Variants in TXNDC9 observed in about 807,000 individuals in gnomAD.
TXNDC9 encodes thioredoxin domain-containing protein 9.
In TXNDC9, 7 loss-of-function variants were observed where a neutral mutation model predicts 23.0. The observed-to-expected ratio is 0.30, with a 90% CI of 0.17 to 0.57. The LOEUF (loss-of-function observed/expected upper bound fraction) is 0.57. TXNDC9 is among the 20% of genes least tolerant of loss of function. The pLI is 0.90. For missense variants in TXNDC9, 198 were observed against 252.6 expected (o/e 0.78, Z 1.47); for synonymous variants, 72 against 90.6 (o/e 0.79, Z 1.17).
At chr2:99,308,977 C>G in the TXNDC9 span, among the ~76,000 whole-genome samples, 1 of 152,128 alleles carries the variant, frequency 6.6e-6, no homozygotes, top group Middle Eastern at 3.4e-3. Flanking sequence ...GCTGGGATTA[C>G]AGGCGTAAGC....
the TXNDC9 span, chr2:99,306,787 T>C: frequency 2.2e-6 from 1 of 455,676 alleles, no homozygotes; most frequent in Non-Finnish European, 4.4e-6. Flanking sequence ...GGCCACCACC[T>C]GTGTAGTAAA....
intron 2 of TXNDC9, among the ~76,000 whole-genome samples, chr2:99,330,189 C>G (rs747072671): frequency 2.8e-4 from 39 of 140,306 alleles, no homozygotes; most frequent in Non-Finnish European, 4.5e-4. Context: ...ACTTGGGAGG[C>G]TGAGGCAGAA....
intron 2 of TXNDC9, among the ~76,000 whole-genome samples, chr2:99,328,486 G>A (rs759552380): frequency 2.0e-5 from 3 of 152,050 alleles, no homozygotes; most frequent in African/African-American, 7.2e-5. Flanking sequence ...GACAGTGAAC[G>A]TCTCCACAGC....
At chr2:99,308,089 G>A in the TXNDC9 span, among the ~76,000 whole-genome samples, 2 of 152,196 alleles carry the variant, frequency 1.3e-5, no homozygotes, top group African/African-American at 4.8e-5. Flanking sequence ...TGCTCTTTGT[G>A]CAGAAGGAAA....
rs1559237434 is a variant in TXNDC9, at chr2:99,333,233, A to T, written c.-23T>A. On this transcript the variant is annotated 5_prime_UTR_variant, in exon 2 of 5. Transcript: ENST00000264255. ...CATTCTTCCAAATGGTACAGAGTTC[A>T]GCCTGGGTGCTGGGGAGAAGATTTA... is the stretch of plus-strand genomic sequence containing the variant. The T allele has an allele frequency of 6.2e-7, 1 of 1,600,860 alleles. No homozygotes were observed.
At chr2:99,315,112 G>A (rs976505590), downstream of TXNDC9, among the ~76,000 whole-genome samples, 4 of 134,014 alleles carry the variant, frequency 3.0e-5, no homozygotes, top group African/African-American at 1.1e-4. Context: ...ACCCAGGCTG[G>A]AGTGCAGTGG....
At chr2:99,318,583 T>C (rs1409102721), downstream of TXNDC9, among the ~76,000 whole-genome samples, 3 of 152,150 alleles carry the variant, frequency 2.0e-5, no homozygotes, top group South Asian at 2.1e-4. Context: ...ATACTCACAG[T>C]CTACAAGGGG....
Position 99,322,189 on chromosome 2 carries a change from T to G in TXNDC9, c.329A>C (p.His110Pro). Residue 110 changes from histidine (H) to proline (P), a missense_variant, in exon 4 of 5, where the codon CAT becomes CCT. By Grantham distance (77) the His-to-Pro change is moderately conservative (BLOSUM62 -2). Coordinates refer to ENST00000264255, the MANE Select transcript of TXNDC9 (RefSeq NM_005783.4). The part of the protein sequence containing the change: ...STFRCKILDR[H>P]LAILSKKHLE... ...GTGTTTCTTGGACAATATTGCCAGA[T>G]GTCTGTCTAGTATTTTACACCTGTA... 1 of 1,614,120 alleles carries G rather than the reference T, an allele frequency of 6.2e-7. No homozygotes were observed.
chr2:99,316,947 G>A (rs917830350), downstream of TXNDC9, among the ~76,000 whole-genome samples: 7 of 152,034 alleles, frequency 4.6e-5, no homozygotes, highest in African/African-American at 9.7e-5. Context: ...TAGTAGAGAC[G>A]GGGTTTCACG....
chr2:99,306,768 C>T, the TXNDC9 span: 9 of 455,332 alleles, frequency 2.0e-5, no homozygotes, highest in South Asian at 7.8e-5. Context: ...CAGCAACCTA[C>T]GGCCCTAGGG....
intron 2 of TXNDC9, among the ~76,000 whole-genome samples, chr2:99,330,221 TGGAGGTTGCAGTGAGCC>T (rs1342227366): frequency 8.3e-6 from 1 of 120,568 alleles, no homozygotes; most frequent in Non-Finnish European, 1.6e-5. Flanking sequence ...TCCTGGGAGG[TGGAGGTTGCAGTGAGCC>T]GAGATTGTGC....
At chr2:99,333,746 G>A (rs2094231479) in intron 1 of TXNDC9, among the ~76,000 whole-genome samples, 1 of 152,146 alleles carries the variant, frequency 6.6e-6, no homozygotes, top group Non-Finnish European at 1.5e-5. Flanking sequence ...CTGCCCAAAT[G>A]AGTTTCATTT....
intron 3 of TXNDC9, among the ~76,000 whole-genome samples, chr2:99,323,776 A>G (rs2094207582): frequency 6.6e-6 from 1 of 152,156 alleles, no homozygotes; most frequent in Non-Finnish European, 1.5e-5. Context: ...GAGTGTTTCT[A>G]AAACAGACTA....
chr2:99,309,695 C>CT, the TXNDC9 span, among the ~76,000 whole-genome samples: 5 of 150,680 alleles, frequency 3.3e-5, no homozygotes, highest in South Asian at 2.1e-4. Flanking sequence ...TTTCTTTTTG[C>CT]TTTTTTTTTG....
chr2:99,329,768 G>C (rs2094220484), intron 2 of TXNDC9, among the ~76,000 whole-genome samples: 1 of 151,986 alleles, frequency 6.6e-6, no homozygotes, highest in Non-Finnish European at 1.5e-5. Flanking sequence ...AGGAGTTTGA[G>C]AACAGCCTGG....
chr2:99,308,161 G>A, the TXNDC9 span, among the ~76,000 whole-genome samples: 1 of 152,076 alleles, frequency 6.6e-6, no homozygotes, highest in Admixed American at 6.5e-5. Context: ...TCTCAAAAAC[G>A]CAAATGGGAA....
chr2:99,334,963 C>T (rs1427628449), intron 1 of TXNDC9, among the ~76,000 whole-genome samples: 1 of 152,244 alleles, frequency 6.6e-6, no homozygotes, highest in Non-Finnish European at 1.5e-5. Flanking sequence ...ATCCGCCCGC[C>T]TCGGCCTCCC....
Position 99,325,366 on chromosome 2 carries a change from C to T in TXNDC9, c.308+2169G>A, listed in dbSNP as rs6706654. ...AGTATCTGAGTGATACTAGGTGAGT[C>T]AATTTCTCCAAATCTTGGTTTCCAT... On this transcript the variant is annotated intron_variant, in intron 3 of 4. Transcript: ENST00000264255. Among the ~76,000 whole-genome samples the T allele has an allele frequency of 2.8e-3, 424 of 152,168 alleles. 5 individuals carry two copies. Among genetic ancestry groups the T allele is most frequent in the African/African-American group, 9.7e-3 (402 of 41,500 alleles).
chr2:99,324,385 C>G (rs77528713), intron 3 of TXNDC9, among the ~76,000 whole-genome samples: 20,174 of 152,082 alleles, frequency 0.13, 1,570 homozygotes, highest in East Asian at 0.26. Context: ...CACTTTTTCC[C>G]CGGATATGTT....
Sources: gnomAD v4.1 joint callset for allele counts (sites outside exome capture counted in the v4.1 genomes callset) on GRCh38, gnomAD v4.1.1 for gene constraint, MANE v1.5 for transcripts, NCBI Gene and HGNC (gene_info 2026-07-23, HGNC 2026-07-21) for gene names.